GPHN: variants seen among roughly 807,000 people sequenced by gnomAD.
GPHN encodes gephyrin.
In GPHN, 17 loss-of-function variants were observed where a neutral mutation model predicts 95.5. That is an observed-to-expected ratio of 0.18 (90% confidence interval 0.12 to 0.27). GPHN has a LOEUF of 0.27. GPHN is among the 10% of genes least tolerant of loss of function. The probability of loss-of-function intolerance (pLI) is 1.00; values close to 1 mark genes in which losing one functional copy is unlikely to be tolerated. For synonymous variants in GPHN, 320 were observed against 322.5 expected, an observed-to-expected ratio of 0.99 and a Z score of 0.08; for missense variants, 660 against 978.1, an observed-to-expected ratio of 0.67 and a Z score of 4.34.
At chr14:67,236,756 G>A in the GPHN span, among the ~76,000 whole-genome samples, 1 of 152,014 alleles carries the variant, frequency 6.6e-6, no homozygotes, top group Non-Finnish European at 1.5e-5. Flanking sequence ...TTGTTTGTTG[G>A]TTTGCTTTTT....
chr14:67,174,112 G>A (rs754044766), intron 21 of GPHN, among the ~76,000 whole-genome samples: 45 of 152,350 alleles, frequency 3.0e-4, no homozygotes, highest in Non-Finnish European at 5.7e-4. Context: ...TGGGGTACAT[G>A]TGCACAACGT....
the GPHN span, among the ~76,000 whole-genome samples, chr14:67,275,887 G>T: frequency 4.6e-5 from 7 of 152,134 alleles, no homozygotes; most frequent in Non-Finnish European, 1.0e-4. Flanking sequence ...ATTTCTTCTA[G>T]ATTTTCTACT....
chr14:67,138,179 C>G (rs117552224), intron 17 of GPHN, among the ~76,000 whole-genome samples: 2,921 of 152,240 alleles, frequency 0.019, 38 homozygotes, highest in Middle Eastern at 0.034. Flanking sequence ...CCTAATACTA[C>G]CTATGTGAAC....
At chr14:66,980,074 C>T (rs1417344677) in intron 9 of GPHN, among the ~76,000 whole-genome samples, 1 of 152,022 alleles carries the variant, frequency 6.6e-6, no homozygotes, top group Admixed American at 6.6e-5. Context: ...CATCAAAGAT[C>T]GCTGATCATA....
chr14:66,846,448 CA>C (rs760232649), intron 4 of GPHN, among the ~76,000 whole-genome samples: 35 of 151,586 alleles, frequency 2.3e-4, no homozygotes, highest in African/African-American at 8.0e-4. Context: ...AGACATTTAA[CA>C]AAAAAAATGC....
the GPHN span, chr14:67,592,018 G>A: frequency 1.3e-3 from 207 of 153,854 alleles, no homozygotes; most frequent in Non-Finnish European, 2.2e-3. Flanking sequence ...ACACACAATA[G>A]TGTACAATGT....
chr14:67,375,232 C>CTGTGTGTGTGTG, the GPHN span, among the ~76,000 whole-genome samples: 5 of 137,672 alleles, frequency 3.6e-5, no homozygotes, highest in South Asian at 5.2e-4. Context: ...ATCCTCAGTT[C>CTGTGTGTGTGTG]TGTGTGTGTG....
At chr14:67,214,753 G>A in the GPHN span, among the ~76,000 whole-genome samples, 1 of 152,116 alleles carries the variant, frequency 6.6e-6, no homozygotes, top group Non-Finnish European at 1.5e-5. Context: ...AAATTACCTT[G>A]GGCAGTGTGG....
At chr14:67,585,683 C>T in the GPHN span, 3 of 1,425,380 alleles carry the variant, frequency 2.1e-6, no homozygotes. Context: ...TGCTCCCTGA[C>T]CCCTCCTCTT....
intron 21 of GPHN, among the ~76,000 whole-genome samples, chr14:67,172,828 A>G (rs1451725018): frequency 6.6e-6 from 1 of 152,144 alleles, no homozygotes; most frequent in Non-Finnish European, 1.5e-5. Flanking sequence ...ACCTGGCTGC[A>G]CAAAGTCTGG....
intron 10 of GPHN, among the ~76,000 whole-genome samples, chr14:67,035,500 C>A (rs1236366698): frequency 6.6e-6 from 1 of 151,774 alleles, no homozygotes; most frequent in Non-Finnish European, 1.5e-5. Flanking sequence ...CTTAGCTAGA[C>A]AGACAGAAGA....
intron 10 of GPHN, among the ~76,000 whole-genome samples, chr14:67,024,753 G>T (rs1657892767): frequency 6.6e-6 from 1 of 152,160 alleles, no homozygotes; most frequent in Non-Finnish European, 1.5e-5. Context: ...AGCTCACTGA[G>T]CCTTAATGTT....
the GPHN span, chr14:67,223,925 G>T: frequency 8.1e-6 from 8 of 984,932 alleles, no homozygotes; most frequent in Middle Eastern, 1.0e-3. Context: ...AATGTAATTG[G>T]AGTACAAATT....
At chr14:67,272,800 A>G in the GPHN span, among the ~76,000 whole-genome samples, 2 of 152,164 alleles carry the variant, frequency 1.3e-5, no homozygotes, top group Non-Finnish European at 2.9e-5. Context: ...CTGGGACTAC[A>G]GGCACAAGCC....
Position 66,681,125 on chromosome 14 carries a change from G to A in GPHN, c.83G>A (p.Arg28Lys), listed in dbSNP as rs778183257. The A allele has an allele frequency of 3.1e-6, 5 of 1,593,034 alleles. No homozygotes were observed. The highest frequency in any genetic ancestry group is 2.6e-6 in the Non-Finnish European group (3 of 1,162,450). The change falls in exon 2 of 23, where the codon AGG becomes AAG. Residue 28 changes from arginine (R) to lysine (K), a missense_variant. Arg to Lys is a conservative substitution (Grantham distance 26). Around this residue, in one of 6 missense-constraint regions of GPHN, gnomAD observed 92 missense variants for 91.9 expected, o/e 1.00. Coordinates refer to ENST00000478722, the MANE Select transcript of GPHN (RefSeq NM_020806.5). ...TATTTAGTGAGTGATAGTTGCTTCA[G>A]GAATCTTGCAGAAGACCGCAGTGGG... ...GVLTVSDSCF[R>K]NLAEDRSGIN...
intron 1 of GPHN, among the ~76,000 whole-genome samples, chr14:66,572,528 A>G (rs531130626): frequency 4.6e-5 from 7 of 151,330 alleles, no homozygotes; most frequent in African/African-American, 1.5e-4. Context: ...TTTTGTAGCT[A>G]TGGTAAATGG....
chr14:67,516,128 G>T, the GPHN span, among the ~76,000 whole-genome samples: 102 of 152,332 alleles, frequency 6.7e-4, no homozygotes, highest in African/African-American at 2.2e-3. Context: ...CTTGAGACAG[G>T]CCCCTTGGAC....
the GPHN span, among the ~76,000 whole-genome samples, chr14:67,720,299 A>G: frequency 6.6e-6 from 1 of 152,166 alleles, no homozygotes; most frequent in African/African-American, 2.4e-5. Context: ...TCTTGTCTTC[A>G]AAGCCTGTTA....
chr14:67,485,377 G>A, the GPHN span, among the ~76,000 whole-genome samples: 25 of 152,310 alleles, frequency 1.6e-4, no homozygotes, highest in African/African-American at 5.8e-4. Context: ...TGTAAGCCCA[G>A]GCTGAGTGGA....
Sources: allele counts gnomAD v4.1 joint callset (sites outside exome capture counted in the v4.1 genomes callset), GRCh38; gene constraint gnomAD v4.1.1; regional missense constraint gnomAD v4.1.1; transcripts MANE v1.5; gene names NCBI Gene and HGNC (gene_info 2026-07-23, HGNC 2026-07-21).